ENTPD2: variants seen among roughly 807,000 people sequenced by gnomAD.
ENTPD2 encodes the protein ectonucleoside triphosphate diphosphohydrolase 2, also known as CD39 antigen-like 1.
Under a neutral mutation model 46.8 loss-of-function variants are expected in ENTPD2, and 48 were observed. The observed-to-expected ratio is 1.03, with a 90% CI of 0.81 to 1.30. The LOEUF (loss-of-function observed/expected upper bound fraction) is 1.30, where lower values mean the gene tolerates loss of function less well. ENTPD2 is among the 50% of genes most tolerant of loss of function. The probability of loss-of-function intolerance (pLI) is 0.00; values close to 1 mark genes in which losing one functional copy is unlikely to be tolerated. For synonymous variants in ENTPD2, 316 were observed against 286.1 expected (o/e 1.10, Z -1.06); for missense variants, 707 against 651.1 (o/e 1.09, Z -0.93).
At chr9:137,049,579 G>A in intron 7 of ENTPD2, 3 of 463,884 alleles carry the variant, frequency 6.5e-6, no homozygotes, top group Middle Eastern at 6.0e-4. Flanking sequence ...CTTCCCTTGT[G>A]TGGTACCATG....
At chr9:137,050,666 T>G in intron 5 of ENTPD2, 128 bp from the exon 6 acceptor site, 1 of 1,419,690 alleles carries the variant, frequency 7.0e-7, no homozygotes, top group Non-Finnish European at 9.4e-7. Flanking sequence ...GGCTCCCCAC[T>G]GCCTGCTTGA....
At chr9:137,053,659 T>G (rs996636511) in intron 1 of ENTPD2, among the ~76,000 whole-genome samples, 14 of 151,868 alleles carry the variant, frequency 9.2e-5, no homozygotes, top group Middle Eastern at 3.4e-3. Flanking sequence ...ACTTGTTCCT[T>G]CAGCACCGCG....
chr9:137,050,911 G>A lies in ENTPD2; in HGVS notation c.765C>T (p.Ser255=), dbSNP rs2292925. 384,294 of 1,610,274 alleles carry A rather than the reference G, an allele frequency of 0.24. 47,460 individuals are homozygous for A. The highest frequency in any genetic ancestry group is 0.35 in the East Asian group (15,768 of 44,856). The change falls in exon 5 of 9, where the codon AGC becomes AGT. Residue 255 remains serine (S), a synonymous_variant. Coordinates refer to ENST00000355097, the MANE Select transcript of ENTPD2 (RefSeq NM_203468.3). ...CAGGGTGGAGGGGCACCTGGAGGGC[G>A]CTGGCCAGCAGCCTCTGGAGGACCT... ...RDQVLQRLLA[S]ALQTHGFHPC...
chr9:137,049,962 C>T lies in ENTPD2; in HGVS notation c.1057G>A (p.Asp353Asn), dbSNP rs1564251752. 3.1e-6 allele frequency: 5 copies of T among 1,612,668 alleles called. No homozygotes were observed. The South Asian group carries it at 5.5e-5, about 18-fold the overall frequency. The change falls in exon 7 of 9, where the codon GAC becomes AAC. Residue 353 changes from aspartate (D) to asparagine (N), a missense_variant. By Grantham distance (23) the Asp-to-Asn change is conservative. Transcript: ENST00000355097. ...AGCCCCATCGAAGTCCGCAAAAAGT[C>T]CACAGTGTAGAAGAAGGCAGAGAAG... Reference protein sequence around the residue: ...VAFSAFFYTVDFLRTSMGLPV... With the variant: ...VAFSAFFYTVNFLRTSMGLPV...
At chr9:137,049,818 GC>G (rs1657511952) in intron 7 of ENTPD2, 51 bp downstream of exon 7, 2 of 1,560,108 alleles carry the variant, frequency 1.3e-6, no homozygotes, top group Admixed American at 1.9e-5. Context: ...GCATGCGGAG[GC>G]GGAGGCTGAG....
Position 137,050,427 on chromosome 9 carries a change from T to C in ENTPD2, c.886A>G (p.Ser296Gly), listed in dbSNP as rs761747255. 5.6e-6 allele frequency: 9 copies of C among 1,612,984 alleles called. No homozygotes were observed. The Admixed American group carries it at 8.3e-5, about 15-fold the overall frequency. Reference sequence around the variant, plus strand: ...CTCCCTGACAGGCTGACCCTGGCACTGCTGTTGAAGTTCTGGGGCCGCTGG... The same window carrying C: ...CTCCCTGACAGGCTGACCCTGGCACCGCTGTTGAAGTTCTGGGGCCGCTGG... ...MAQRPQNFNS[S>G]ARVSLSGSSD... Residue 296 changes from serine (S) to glycine (G), a missense_variant, in exon 6 of 9, where the codon AGT becomes GGT. Transcript: ENST00000355097.
Position 137,052,456 on chromosome 9 carries a change from C to A in ENTPD2, c.118-108G>T, listed in dbSNP as rs1369823684. 1.4e-5 allele frequency: 12 copies of A among 841,604 alleles called. No homozygotes were observed. In the African/African-American group the frequency reaches 1.7e-4, roughly 12 times the overall value. The allele number at this position is 841,604 out of a possible 1,614,324, so 52.1% of individuals were successfully genotyped here. A position where few individuals can be genotyped will look rare whatever the true frequency, so the allele number is the denominator to read the frequency against. On this transcript the variant is annotated intron_variant, in intron 1 of 8. Coordinates refer to ENST00000355097, the MANE Select transcript of ENTPD2 (RefSeq NM_203468.3). ...AGTTTGCCACCGCTCCCCCCCCCAC[C>A]CAGTCATGTGCCAAGCCTCATGCTG...
In ENTPD2 at chr9:137,048,992, G is replaced by C; in HGVS notation, c.1233C>G (p.Arg411=). 1 of 1,532,110 alleles carries C rather than the reference G, an allele frequency of 6.5e-7. No homozygotes were observed. Among genetic ancestry groups the C allele is most frequent in the Non-Finnish European group, 8.8e-7 (1 of 1,142,504 alleles). The allele number at this position is 1,532,110 out of a possible 1,614,324, so 94.9% of individuals were successfully genotyped here. The part of the protein sequence containing the change: ...GAMFVQQLLS[R]GYGFDERAFG... Reference sequence around the variant, plus strand: ...AGGCGCGCTCGTCGAAGCCGTAGCCGCGACTCAGCAGCTGCTGCACGAACA... The same window carrying C: ...AGGCGCGCTCGTCGAAGCCGTAGCCCCGACTCAGCAGCTGCTGCACGAACA... The change falls in exon 8 of 9, where the codon CGC becomes CGG. Residue 411 remains arginine (R), a synonymous_variant. Coordinates refer to ENST00000355097, the MANE Select transcript of ENTPD2 (RefSeq NM_203468.3).
chr9:137,048,457 CAGT>C lies in ENTPD2; in HGVS notation c.*197_*199del, dbSNP rs1317204430. 2 of 517,286 alleles carry C rather than the reference CAGT, an allele frequency of 3.9e-6. No individual in the cohort carries two copies. Among genetic ancestry groups the C allele is most frequent in the East Asian group, 3.5e-5 (1 of 28,204 alleles). 32.0% of individuals were successfully genotyped at this position (517,286 alleles called of 1,614,324 possible). ...GGGTGGGGTGGAAGGATGGAGAAGACAGTGGTGGGGTGGAGCGGTGGGGGATAG... is the reference window on the plus strand; with the variant it reads ...GGGTGGGGTGGAAGGATGGAGAAGACGGTGGGGTGGAGCGGTGGGGGATAG... On this transcript the variant is annotated 3_prime_UTR_variant, in exon 9 of 9. Transcript: ENST00000355097.
At chr9:137,049,741 C>T in intron 7 of ENTPD2, 129 bp downstream of exon 7, 1 of 1,119,306 alleles carries the variant, frequency 8.9e-7, no homozygotes, top group East Asian at 2.7e-5. Context: ...TGGAGTCAGC[C>T]TAATGCCTGC....
At chr9:137,050,025 A>C in intron 6 of ENTPD2, 36 bp from the exon 7 acceptor site, 1 of 1,588,482 alleles carries the variant, frequency 6.3e-7, no homozygotes, top group South Asian at 1.1e-5. Flanking sequence ...ACCGAACCCC[A>C]GCGGCTCAGA....
At chr9:137,053,671 C>T (rs1178078466) in intron 1 of ENTPD2, among the ~76,000 whole-genome samples, 1 of 151,944 alleles carries the variant, frequency 6.6e-6, no homozygotes, top group Non-Finnish European at 1.5e-5. Flanking sequence ...AGCACCGCGT[C>T]GCCCTGGAAG....
In ENTPD2 at chr9:137,048,824, T is replaced by G. The variant is rs777844762; in HGVS notation, c.1321A>C (p.Met441Leu). The change falls in exon 9 of 9, where the codon ATG (methionine) becomes CTG (leucine). Residue 441 changes from methionine (M) to leucine (L), a missense_variant. Coordinates refer to ENST00000355097, the MANE Select transcript of ENTPD2 (RefSeq NM_203468.3). Reference sequence around the variant, plus strand: ...GGGATCAGGTTGGTCAGGTTCAGCATGTAGCCGAGCGCCCAGCCCACTGCA... The same window carrying G: ...GGGATCAGGTTGGTCAGGTTCAGCAGGTAGCCGAGCGCCCAGCCCACTGCA... Reference protein sequence around the residue: ...DTAVGWALGYMLNLTNLIPAD... With the variant: ...DTAVGWALGYLLNLTNLIPAD... 4.5e-6 allele frequency: 7 copies of G among 1,564,634 alleles called. 1 individual carries two copies. The South Asian group carries it at 4.8e-5, about 11-fold the overall frequency.
Position 137,048,560 on chromosome 9 carries a change from A to C in ENTPD2, c.*97T>G. 5.7e-6 allele frequency: 5 copies of C among 874,050 alleles called. No individual in the cohort carries two copies. The highest frequency in any genetic ancestry group is 7.9e-6 in the Non-Finnish European group (5 of 632,990). The allele number at this position is 874,050 out of a possible 1,614,324, so 54.1% of individuals were successfully genotyped here. On this transcript the variant is annotated 3_prime_UTR_variant, in exon 9 of 9. Transcript: ENST00000355097. ...GAGGGGTGGGTGGAGGGGTGGGGAT[A>C]CAGGGGTGGGAGGTACAGGGGTTGT...
In ENTPD2 at chr9:137,048,934, A is replaced by T; in HGVS notation, c.1284+7T>A. The T allele has an allele frequency of 2.6e-6, 2 of 770,462 alleles. No individual in the cohort carries two copies. The highest frequency in any genetic ancestry group is 3.9e-6 in the Non-Finnish European group (2 of 518,842). The allele number at this position is 770,462 out of a possible 1,614,324, so 47.7% of individuals were successfully genotyped here. On this transcript the variant is annotated splice_region_variant and intron_variant, in intron 8 of 8. Transcript: ENST00000355097. Reference sequence around the variant, plus strand: ...GGTCGGCCCCGCCCCGCCCCGCCCCAGCCCACCTTCTTCTGGAAGATCACG... The same window carrying T: ...GGTCGGCCCCGCCCCGCCCCGCCCCTGCCCACCTTCTTCTGGAAGATCACG...
In ENTPD2 at chr9:137,050,984, T is replaced by C. The variant is rs1489284202; in HGVS notation, c.692A>G (p.Gln231Arg). 6.6e-7 allele frequency: 1 copy of C among 1,525,510 alleles called. No homozygotes were observed. The highest frequency in any genetic ancestry group is 1.9e-5 in the Admixed American group (1 of 53,282). 94.5% of individuals were successfully genotyped at this position (1,525,510 alleles called of 1,614,324 possible). A position where few individuals can be genotyped will look rare whatever the true frequency, so the allele number is the denominator to read the frequency against. The change falls in exon 5 of 9, where the codon CAG (glutamine) becomes CGG (arginine). Residue 231 changes from glutamine (Q) to arginine (R), a missense_variant. Gln to Arg is a conservative substitution (Grantham distance 43, BLOSUM62 1). Transcript: ENST00000355097. The stretch of plus-strand genomic sequence containing the variant: ...GCTGTGGGTGTAGACTCGGTAGTGC[T>C]GGCCGTAGAGATGCAGCTGGACCTC... ...ASEVQLHLYG[Q>R]HYRVYTHSFL...
rs772394913 is a variant in ENTPD2, at chr9:137,050,010, CTG to C, written c.1030-23_1030-22del. The C allele has an allele frequency of 1.9e-6, 3 of 1,606,426 alleles. No individual in the cohort carries two copies. The African/African-American group carries it at 4.0e-5, about 22-fold the overall frequency. ...AAGGCCTGTAGGGGGCGCAGTCACA[CTG>C]TGACCGAACCCCAGCGGCTCAGAGC... On this transcript the variant is annotated intron_variant, in intron 6 of 8. Coordinates refer to ENST00000355097, the MANE Select transcript of ENTPD2 (RefSeq NM_203468.3).
Position 137,051,209 on chromosome 9 carries a change from A to C in ENTPD2, c.546+2T>G. Reference sequence around the variant, plus strand: ...GGCTCTTTGGCTGGCTGCTGGGCCCACCTTGATGAAGTTCTCCAGCAGGTA... The same window carrying C: ...GGCTCTTTGGCTGGCTGCTGGGCCCCCCTTGATGAAGTTCTCCAGCAGGTA... On this transcript the variant is annotated splice_donor_variant, in intron 4 of 8. Transcript: ENST00000355097. LOFTEE classifies it high-confidence loss of function. 6.2e-7 allele frequency: 1 copy of C among 1,612,374 alleles called. No homozygotes were observed. The highest frequency in any genetic ancestry group is 8.5e-7 in the Non-Finnish European group (1 of 1,179,724).
At position 137,050,343 on chromosome 9, in the gene ENTPD2, G is replaced by A. The variant is rs764129953; in HGVS notation, c.970C>T (p.Pro324Ser). Residue 324 changes from proline to serine, a missense_variant, in exon 6 of 9, where the codon CCC (proline) becomes TCC (serine). By Grantham distance (74) the Pro-to-Ser change is moderately conservative. Transcript: ENST00000355097. ...CCATTGAAAGAGCATCGGGAGAAGG[G>A]GCAGGAGGAGAAGCTGAAGAGCCCA... ...VSGLFSFSSC[P>S]FSRCSFNGVF... 3 of 1,612,724 alleles carry A rather than the reference G, an allele frequency of 1.9e-6. No homozygotes were observed. Among genetic ancestry groups the A allele is most frequent in the African/African-American group, 2.7e-5 (2 of 74,798 alleles).
Sources: allele counts gnomAD v4.1 joint callset (sites outside exome capture counted in the v4.1 genomes callset), GRCh38; gene constraint gnomAD v4.1.1; transcripts MANE v1.5; gene names NCBI Gene and HGNC (gene_info 2026-07-23, HGNC 2026-07-21).